RIC1: variants seen among roughly 807,000 people sequenced by gnomAD.
RIC1 encodes the protein guanine nucleotide exchange factor subunit RIC1.
Under a neutral mutation model 169.0 loss-of-function variants are expected in RIC1, and 88 were observed. That is an observed-to-expected ratio of 0.52 (90% CI 0.44 to 0.62). The LOEUF (loss-of-function observed/expected upper bound fraction) is 0.62, where lower values mean the gene tolerates loss of function less well. RIC1 is among the 20% of genes least tolerant of loss of function. The pLI is 0.00. For synonymous variants in RIC1, 790 were observed against 601.5 expected, an observed-to-expected ratio of 1.31 and a Z score of -4.59; for missense variants, 1,877 against 1,725.5, an observed-to-expected ratio of 1.09 and a Z score of -1.56.
intron 6 of RIC1, among the ~76,000 whole-genome samples, chr9:5,731,483 T>C (rs1349880722): frequency 6.6e-6 from 1 of 152,218 alleles, no homozygotes; most frequent in Non-Finnish European, 1.5e-5. Context: ...GATTATATTG[T>C]ATCTTTAATG....
chr9:5,745,266 C>G (rs1825310781), intron 10 of RIC1, among the ~76,000 whole-genome samples: 1 of 151,994 alleles, frequency 6.6e-6, no homozygotes, highest in South Asian at 2.1e-4. Flanking sequence ...CATGGGCTAC[C>G]CCTGCCCCTT....
chr9:5,643,001 T>C (rs755154948), intron 1 of RIC1, among the ~76,000 whole-genome samples: 5 of 152,132 alleles, frequency 3.3e-5, no homozygotes, highest in African/African-American at 7.2e-5. Flanking sequence ...AGGAATACAA[T>C]AAAAACAATT....
At chr9:5,767,862 C>A (rs956928865) in intron 21 of RIC1, among the ~76,000 whole-genome samples, 1 of 152,232 alleles carries the variant, frequency 6.6e-6, no homozygotes, top group Non-Finnish European at 1.5e-5. Flanking sequence ...GCTGGGATTA[C>A]AGGCATGAGC....
intron 15 of RIC1, among the ~76,000 whole-genome samples, chr9:5,755,230 TC>T (rs1384586651): frequency 6.6e-6 from 1 of 152,176 alleles, no homozygotes; most frequent in Admixed American, 6.5e-5. Context: ...AGAATGGCTG[TC>T]CTCAGAGATA....
intron 2 of RIC1, among the ~76,000 whole-genome samples, chr9:5,666,139 G>T (rs1009356735): frequency 5.9e-5 from 9 of 152,132 alleles, no homozygotes; most frequent in Admixed American, 2.0e-4. Flanking sequence ...CCCCAGCTGG[G>T]AAGACCCACT....
At position 5,774,735 on chromosome 9, in the gene RIC1, C is replaced by CT. The variant is rs1827485144; in HGVS notation, c.*490dup. On this transcript the variant is annotated 3_prime_UTR_variant, in exon 26 of 26. Transcript: ENST00000414202. ...TTAATCAGTCCTCCTGAATAGATTG[C>CT]TACCCTGGGGCACAATATGTGCCAG... 6.5e-6 allele frequency: 1 copy of CT among 152,716 alleles called. No homozygotes were observed. The highest frequency in any genetic ancestry group is 2.4e-5 in the African/African-American group (1 of 41,462). 9.5% of individuals were successfully genotyped at this position (152,716 alleles called of 1,614,324 possible).
Position 5,674,297 on chromosome 9 carries a change from G to A in RIC1, c.253-15662G>A, listed in dbSNP as rs192000871. ...TTAACAAAAATTCATTTATGATCCT[G>A]TATGAATTTTAAAATTCATATAAGC... On this transcript the variant is annotated intron_variant, in intron 2 of 25. Transcript: ENST00000414202. Among the ~76,000 whole-genome samples, 3 of 152,066 alleles carry A rather than the reference G, an allele frequency of 2.0e-5. No homozygotes were observed. The East Asian group carries it at 5.8e-4, about 29-fold the overall frequency.
chr9:5,735,223 T>C (rs946326861), intron 7 of RIC1, among the ~76,000 whole-genome samples: 3 of 151,972 alleles, frequency 2.0e-5, no homozygotes, highest in African/African-American at 7.2e-5. Flanking sequence ...GCATTTACCT[T>C]GTTTATCTGA....
At chr9:5,764,305 G>A (rs1826537530) in intron 19 of RIC1, among the ~76,000 whole-genome samples, 1 of 152,054 alleles carries the variant, frequency 6.6e-6, no homozygotes. Flanking sequence ...GTTACTGAGG[G>A]GACACTTATT....
intron 1 of RIC1, among the ~76,000 whole-genome samples, chr9:5,654,660 C>G (rs1818984136): frequency 6.6e-6 from 1 of 152,128 alleles, no homozygotes; most frequent in Non-Finnish European, 1.5e-5. Flanking sequence ...CTGCCTCAGC[C>G]TCCTGAGTAG....
At position 5,720,638 on chromosome 9, in the gene RIC1, A is replaced by G. The variant is rs774226021; in HGVS notation, c.608A>G (p.Asp203Gly). ...SRVGSFLGFT[D>G]VHIRDMEYCA... ...GTAGGTTCATTCCTGGGCTTCACAG[A>G]CGTACACATCAGAGACATGGAATAC... The change falls in exon 6 of 26, where the codon GAC becomes GGC. Residue 203 changes from aspartate to glycine, a missense_variant. Coordinates refer to ENST00000414202, the MANE Select transcript of RIC1 (RefSeq NM_020829.4). 1.9e-5 allele frequency: 30 copies of G among 1,606,804 alleles called. No individual in the cohort carries two copies. Among genetic ancestry groups the G allele is most frequent in the Non-Finnish European group, 1.4e-5 (16 of 1,177,882 alleles).
intron 2 of RIC1, among the ~76,000 whole-genome samples, chr9:5,669,488 A>G (rs1175286895): frequency 1.3e-5 from 2 of 152,212 alleles, no homozygotes; most frequent in Non-Finnish European, 2.9e-5. Context: ...ACTGAGTAGT[A>G]TTCGATGGTG....
At chr9:5,754,481 C>T (rs1825888777) in intron 14 of RIC1, among the ~76,000 whole-genome samples, 1 of 152,154 alleles carries the variant, frequency 6.6e-6, no homozygotes, top group Non-Finnish European at 1.5e-5. Context: ...GTAATCCCAG[C>T]ACTTTGGGAG....
intron 2 of RIC1, among the ~76,000 whole-genome samples, chr9:5,685,981 C>T (rs1821195140): frequency 6.6e-6 from 1 of 152,064 alleles, no homozygotes; most frequent in South Asian, 2.1e-4. Context: ...TGAACAGACA[C>T]TTCTGAAAAG....
At chr9:5,742,809 A>AG in intron 8 of RIC1, 60 bp from the exon 9 acceptor site, 1 of 1,457,824 alleles carries the variant, frequency 6.9e-7, no homozygotes, top group Non-Finnish European at 9.3e-7. Flanking sequence ...AAAAAAAAAA[A>AG]AAAACAAGTA....
At chr9:5,695,519 G>A (rs1012113738) in intron 3 of RIC1, among the ~76,000 whole-genome samples, 2 of 150,456 alleles carry the variant, frequency 1.3e-5, no homozygotes, top group African/African-American at 4.9e-5. Flanking sequence ...AATTCCCAAT[G>A]ACACTAGTTC....
chr9:5,688,237 T>G (rs1289555620), intron 2 of RIC1, among the ~76,000 whole-genome samples: 1 of 152,220 alleles, frequency 6.6e-6, no homozygotes, highest in Admixed American at 6.5e-5. Context: ...CTTCCTGGAC[T>G]CTTCAGCTTC....
chr9:5,635,575 T>C (rs1817933169), intron 1 of RIC1, among the ~76,000 whole-genome samples: 1 of 152,222 alleles, frequency 6.6e-6, no homozygotes, highest in African/African-American at 2.4e-5. Context: ...ACTATTTTGA[T>C]TACTATAGCT....
At chr9:5,769,493 T>G (rs1586729306) in intron 22 of RIC1, 1 of 1,410,404 alleles carries the variant, frequency 7.1e-7, no homozygotes, top group East Asian at 2.5e-5. Context: ...AATCTAATCA[T>G]ACTTGGATTA....
Sources: allele counts gnomAD v4.1 joint callset (sites outside exome capture counted in the v4.1 genomes callset), GRCh38; gene constraint gnomAD v4.1.1; transcripts MANE v1.5; gene names NCBI Gene and HGNC (gene_info 2026-07-23, HGNC 2026-07-21).